The following PSD4 variants were observed in gnomAD, a reference collection of about 807,000 sequenced individuals.
PSD4 encodes pleckstrin and Sec7 domain containing 4, also known as PH and SEC7 domain-containing protein 4.
PSD4 carries 59 observed loss-of-function variants against 112.5 expected under a neutral mutation model. The observed-to-expected ratio is 0.52, with a 90% CI of 0.43 to 0.65. The LOEUF (loss-of-function observed/expected upper bound fraction) is 0.65. PSD4 is among the 30% of genes least tolerant of loss of function. The probability of loss-of-function intolerance (pLI) is 0.00; values close to 1 mark genes in which losing one functional copy is unlikely to be tolerated. For synonymous variants in PSD4, 533 were observed against 540.0 expected, an observed-to-expected ratio of 0.99 and a Z score of 0.18; for missense variants, 1,267 against 1,352.6, an observed-to-expected ratio of 0.94 and a Z score of 0.99.
At chr2:113,174,855 C>G (rs1687924865) in intron 1 of PSD4, among the ~76,000 whole-genome samples, 1 of 152,174 alleles carries the variant, frequency 6.6e-6, no homozygotes, top group Non-Finnish European at 1.5e-5. Context: ...GCCTAAAATT[C>G]CACAGTTGAA....
Position 113,197,796 on chromosome 2 carries a change from T to C in PSD4, c.2507T>C (p.Val836Ala). 7 of 1,611,254 alleles carry C rather than the reference T, an allele frequency of 4.3e-6. No individual in the cohort carries two copies. The highest frequency in any genetic ancestry group is 5.9e-6 in the Non-Finnish European group (7 of 1,177,880). Residue 836 changes from valine to alanine, a missense_variant, in exon 14 of 17, where the codon GTG (valine) becomes GCG (alanine). This residue lies in a region of PSD4 where 544 missense variants were observed against 648.6 expected (regional missense o/e 0.84). Transcript: ENST00000245796. ...GGGGAGAGCTTGGTGGGGCAGATGG[T>C]GGATGAGCCCGTGGGGGTGCACCAC... ...LEGESLVGQMVDEPVGVHHSL... is the reference protein window; with the variant it reads ...LEGESLVGQMADEPVGVHHSL...
chr2:113,184,025 C>G lies in PSD4; in HGVS notation c.1056+513C>G, dbSNP rs150555959. On this transcript the variant is annotated intron_variant, in intron 2 of 16. Coordinates refer to ENST00000245796, the MANE Select transcript of PSD4 (RefSeq NM_012455.3). Reference sequence around the variant, plus strand: ...TCACCATCTGTCATTATTCCCCTGTCCAGTGTCAATAGATCAGGCCCATAT... The same window carrying G: ...TCACCATCTGTCATTATTCCCCTGTGCAGTGTCAATAGATCAGGCCCATAT... 3.2e-3 allele frequency among the ~76,000 whole-genome samples: 488 copies of G among 152,338 alleles called. 2 individuals carry two copies. The highest frequency in any genetic ancestry group is 0.011 in the African/African-American group (447 of 41,574).
At chr2:113,199,364 T>C in intron 16 of PSD4, 138 bp downstream of exon 16, 1 of 1,111,234 alleles carries the variant, frequency 9.0e-7, no homozygotes, top group Non-Finnish European at 1.2e-6. Context: ...GGGGCCCGCG[T>C]GCGCCGTCTG....
intron 1 of PSD4, among the ~76,000 whole-genome samples, chr2:113,175,997 C>T (rs1382063004): frequency 6.6e-6 from 1 of 152,196 alleles, no homozygotes; most frequent in East Asian, 1.9e-4. Context: ...TCACCCAGAG[C>T]CACATGGCTT....
chr2:113,175,884 GC>G (rs1558883687), intron 1 of PSD4, among the ~76,000 whole-genome samples: 1 of 152,184 alleles, frequency 6.6e-6, no homozygotes, highest in East Asian at 1.9e-4. Context: ...CAAGGGCCAG[GC>G]CCAGCACTCA....
chr2:113,198,599 C>G lies in PSD4; in HGVS notation c.2625-141C>G, dbSNP rs189543276. Reference sequence around the variant, plus strand: ...ATGCCACGGTCAGAGGTCGGGTGCCCGGCTAGTGGCAGGGCTGTAACTATG... The same window carrying G: ...ATGCCACGGTCAGAGGTCGGGTGCCGGGCTAGTGGCAGGGCTGTAACTATG... On this transcript the variant is annotated intron_variant, in intron 14 of 16. Transcript: ENST00000245796. 2.5e-3 allele frequency: 2,573 copies of G among 1,046,774 alleles called. 7 individuals are homozygous for G. Among genetic ancestry groups the G allele is most frequent in the South Asian group, 3.1e-3 (138 of 45,084 alleles). 64.8% of individuals were successfully genotyped at this position (1,046,774 alleles called of 1,614,324 possible).
chr2:113,182,015 A>T (rs760245799), intron 1 of PSD4, among the ~76,000 whole-genome samples: 11 of 152,224 alleles, frequency 7.2e-5, no homozygotes, highest in African/African-American at 2.4e-4. Context: ...CCTGCTGCCA[A>T]CCACCTCGGT....
intron 16 of PSD4, among the ~76,000 whole-genome samples, chr2:113,200,239 C>A (rs569584537): frequency 3.3e-5 from 5 of 152,316 alleles, no homozygotes; most frequent in African/African-American, 1.2e-4. Context: ...GACGTCAGTT[C>A]ATCTGGGATC....
Position 113,182,359 on chromosome 2 carries a change from T to C in PSD4, c.-98T>C, listed in dbSNP as rs1311562781. ...GGGCATTTCCAGGGTAGATATGGAT[T>C]CCCAGTTTCTCCAGCGGCCAGTGCT... On this transcript the variant is annotated 5_prime_UTR_variant, in exon 2 of 17. Coordinates refer to ENST00000245796, the MANE Select transcript of PSD4 (RefSeq NM_012455.3). The C allele has an allele frequency of 8.4e-7, 1 of 1,190,328 alleles. No homozygotes were observed. The highest frequency in any genetic ancestry group is 2.4e-5 in the East Asian group (1 of 41,710). The allele number at this position is 1,190,328 out of a possible 1,614,324, so 73.7% of individuals were successfully genotyped here.
At chr2:113,186,447 C>G (rs1198362678) in intron 5 of PSD4, among the ~76,000 whole-genome samples, 192 bp downstream of exon 5, 1 of 152,212 alleles carries the variant, frequency 6.6e-6, no homozygotes, top group African/African-American at 2.4e-5. Flanking sequence ...AGAAACAAAA[C>G]AGCAGATAGT....
At chr2:113,177,563 AG>A (rs1029661857) in intron 1 of PSD4, among the ~76,000 whole-genome samples, 5 of 152,302 alleles carry the variant, frequency 3.3e-5, no homozygotes, top group African/African-American at 4.8e-5. Flanking sequence ...CTCAAGTCAC[AG>A]GGGGGCCTGA....
chr2:113,177,421 T>C (rs943644363), intron 1 of PSD4, among the ~76,000 whole-genome samples: 2 of 152,196 alleles, frequency 1.3e-5, no homozygotes, highest in Non-Finnish European at 2.9e-5. Context: ...CAACGCCGAC[T>C]CTCAGTCAAG....
intron 1 of PSD4, among the ~76,000 whole-genome samples, chr2:113,176,463 T>C (rs1687983023): frequency 6.6e-6 from 1 of 152,178 alleles, no homozygotes; most frequent in Non-Finnish European, 1.5e-5. Flanking sequence ...TGAAATGTAG[T>C]CAGCTGTGCT....
At position 113,196,186 on chromosome 2, in the gene PSD4, G is replaced by A. The variant is rs369936457; in HGVS notation, c.2265G>A (p.Pro755=). ...EDTARPEKAQ[P]SLPAGKMSKP... ...CAGCCAGACCTGAGAAGGCCCAGCC[G>A]TCCCTGCCAGCTGGCAAGATGAGCA... The change falls in exon 12 of 17, where the codon CCG becomes CCA. Residue 755 remains proline, a synonymous_variant. Transcript: ENST00000245796. The A allele has an allele frequency of 1.7e-5, 27 of 1,613,642 alleles. No individual in the cohort carries two copies. The highest frequency in any genetic ancestry group is 2.2e-5 in the East Asian group (1 of 44,884).
intron 6 of PSD4, 31 bp downstream of exon 6, chr2:113,192,620 A>G: frequency 1.9e-6 from 3 of 1,606,356 alleles, no homozygotes; most frequent in Non-Finnish European, 2.6e-6. Context: ...GGAAGGCTGG[A>G]GGCTGAGGCA....
In PSD4 at chr2:113,183,500, CG is replaced by C; in HGVS notation, c.1048del (p.Glu350ArgfsTer21). The C allele has an allele frequency of 6.3e-7, 1 of 1,576,844 alleles. No individual in the cohort carries two copies. Among genetic ancestry groups the C allele is most frequent in the Non-Finnish European group, 8.6e-7 (1 of 1,164,126 alleles). Reference protein sequence around the residue: ...EGAPAAPPGHGESEGDRLGPA... With the variant: ...EGAPAAPPGHXESEGDRLGPA... ...GGGCTCCTGCAGCACCTCCTGGTCA[CG>C]GGGAGAGTGAGGTAAGCCCAGTCTT... On this transcript the variant is annotated frameshift_variant, in exon 2 of 17. Coordinates refer to ENST00000245796, the MANE Select transcript of PSD4 (RefSeq NM_012455.3). LOFTEE classifies it high-confidence loss of function.
intron 8 of PSD4, 27 bp downstream of exon 8, chr2:113,193,397 A>G (rs767561372): frequency 1.2e-6 from 2 of 1,603,232 alleles, no homozygotes; most frequent in Admixed American, 1.7e-5. Context: ...CCTGACAGCA[A>G]AGCAGGGAAA....
chr2:113,206,524 G>C lies in PSD4; in HGVS notation c.*5109G>C, dbSNP rs1244419631. On this transcript the variant is annotated 3_prime_UTR_variant, in exon 17 of 17. Transcript: ENST00000245796. ...GCCCCAGTGGCCAGGCCCTTGAGTG[G>C]GACTGCCGGGAATTGAGTCCAGCTT... The C allele has an allele frequency of 6.6e-6, 1 of 152,264 alleles. No homozygotes were observed. Among genetic ancestry groups the C allele is most frequent in the Non-Finnish European group, 1.5e-5 (1 of 68,068 alleles). The allele number at this position is 152,264 out of a possible 1,614,324, so 9.4% of individuals were successfully genotyped here.
chr2:113,185,320 CTG>C (rs768465441), intron 3 of PSD4, 43 bp from the exon 4 acceptor site: 5 of 1,610,394 alleles, frequency 3.1e-6, no homozygotes, highest in Non-Finnish European at 4.2e-6. Flanking sequence ...ATCCACCTCT[CTG>C]TGTATCCAGG....
Sources: allele counts gnomAD v4.1 joint callset (sites outside exome capture counted in the v4.1 genomes callset), GRCh38; gene constraint gnomAD v4.1.1; regional missense constraint gnomAD v4.1.1; transcripts MANE v1.5; gene names NCBI Gene and HGNC (gene_info 2026-07-23, HGNC 2026-07-21).